Variants in NKPD1 observed in about 807,000 individuals in gnomAD.
The protein encoded by NKPD1 is NTPase KAP family P-loop domain containing 1, also known as NTPase KAP family P-loop domain-containing protein 1.
In NKPD1, 37 loss-of-function variants were observed where a neutral mutation model predicts 42.2. That is an observed-to-expected ratio of 0.88 (90% CI 0.67 to 1.15). NKPD1 has a LOEUF of 1.15. Among genes scored for constraint, NKPD1 ranks in the 50% most tolerant of loss-of-function variants. NKPD1 has a pLI of 0.00. For missense variants in NKPD1, 1,113 were observed against 1,174.6 expected (o/e 0.95, Z 0.77); for synonymous variants, 552 against 536.5 (o/e 1.03, Z -0.40).
At chr19:45,156,359 GGA>G in intron 3 of NKPD1, among the ~76,000 whole-genome samples, 1 of 152,342 alleles carries the variant, frequency 6.6e-6, no homozygotes, top group Admixed American at 6.5e-5. Context: ...GCCAGAGCAT[GGA>G]GAGGCCCTGG....
chr19:45,150,794 AGGTCAGTGACCCAGTCCCATGGCCTGAG>A lies in NKPD1; in HGVS notation c.*1116_*1143del, dbSNP rs1968763444. 6.6e-6 allele frequency: 1 copy of A among 152,248 alleles called. No homozygotes were observed. Among genetic ancestry groups the A allele is most frequent in the African/African-American group, 2.4e-5 (1 of 41,446 alleles). The allele number at this position is 152,248 out of a possible 1,614,324, so 9.4% of individuals were successfully genotyped here. ...CCAGCCTTGGAACTAAAGAACTGTGAGGTCAGTGACCCAGTCCCATGGCCTGAGGGTGTGTGCCTTTGCAGAGCTCTCA... is the reference window on the plus strand; with the variant it reads ...CCAGCCTTGGAACTAAAGAACTGTGAGGTGTGTGCCTTTGCAGAGCTCTCA... On this transcript the variant is annotated 3_prime_UTR_variant, in exon 5 of 5. Transcript: ENST00000686631.
rs1968838424 is a variant in NKPD1, at chr19:45,153,458, G to A, written c.979C>T (p.Gln327Ter). Residue 327 changes from glutamine (Q) to a stop codon, truncating the protein, a stop_gained, in exon 5 of 5, where the codon CAG becomes TAG. Transcript: ENST00000686631. LOFTEE classifies it high-confidence loss of function. Reference protein sequence around the residue: ...SVLGNKPATRQDCCQSEWHCR... With the variant: ...SVLGNKPATR ...TGCCACTCGCTCTGGCAGCAGTCCT[G>A]CCTGGTGGCCGGCTTGTTGCCCAGC... The A allele has an allele frequency of 6.5e-7, 1 of 1,549,916 alleles. No homozygotes were observed. Among genetic ancestry groups the A allele is most frequent in the Non-Finnish European group, 8.7e-7 (1 of 1,150,982 alleles).
Position 45,152,432 on chromosome 19 carries a change from A to G in NKPD1, c.2005T>C (p.Trp669Arg). Residue 669 changes from tryptophan (W) to arginine (R), a missense_variant, in exon 5 of 5, where the codon TGG becomes CGG. By Grantham distance (101) the Trp-to-Arg change is moderately radical. This residue lies in a region of NKPD1 where 867 missense variants were observed against 870.1 expected (regional missense o/e 1.00). Coordinates refer to ENST00000686631, the MANE Select transcript of NKPD1 (RefSeq NM_198478.4). Reference protein sequence around the residue: ...LANQWPCRLSWALQCLEDRQQ... With the variant: ...LANQWPCRLSRALQCLEDRQQ... The stretch of plus-strand genomic sequence containing the variant: ...CGGTCCTCCAGGCACTGCAGCGCCC[A>G]GCTCAGGCGGCACGGCCACTGGTTG... 6.4e-7 allele frequency: 1 copy of G among 1,563,214 alleles called. No individual in the cohort carries two copies. The highest frequency in any genetic ancestry group is 8.6e-7 in the Non-Finnish European group (1 of 1,157,704).
intron 2 of NKPD1, 38 bp downstream of exon 2, chr19:45,160,020 CCT>C: frequency 1.7e-6 from 2 of 1,162,402 alleles, no homozygotes; most frequent in South Asian, 1.3e-5. Context: ...TCCTCACAGG[CCT>C]CTGTCGGCCA....
At position 45,158,839 on chromosome 19, in the gene NKPD1, T is replaced by C; in HGVS notation, c.353A>G (p.Lys118Arg). ...KGLPATSTVP[K>R]EPASAPQAPT... Reference sequence around the variant, plus strand: ...CGCCTGAGGGGCGCTGGCAGGTTCCTTGGGGACAGTGGAGGTTGCAGGCAG... The same window carrying C: ...CGCCTGAGGGGCGCTGGCAGGTTCCCTGGGGACAGTGGAGGTTGCAGGCAG... Residue 118 changes from lysine to arginine, a missense_variant, in exon 3 of 5, where the codon AAG (lysine) becomes AGG (arginine). By Grantham distance (26) the Lys-to-Arg change is conservative. Around this residue, in one of 3 missense-constraint regions of NKPD1, gnomAD observed 204 missense variants for 227.8 expected, o/e 0.90. Transcript: ENST00000686631. The surrounding 1 kb of genome is among the most constrained non-coding windows in gnomAD (Gnocchi z 4.6). 2 of 1,281,660 alleles carry C rather than the reference T, an allele frequency of 1.6e-6. No homozygotes were observed. Among genetic ancestry groups the C allele is most frequent in the Non-Finnish European group, 2.0e-6 (2 of 978,208 alleles). 79.4% of individuals were successfully genotyped at this position (1,281,660 alleles called of 1,614,324 possible). A position where few individuals can be genotyped will look rare whatever the true frequency, so the allele number is the denominator to read the frequency against.
rs1568457941 is a variant in NKPD1, at chr19:45,155,805, A to G, written c.641T>C (p.Met214Thr). Residue 214 changes from methionine (M) to threonine (T), a missense_variant, in exon 4 of 5, where the codon ATG becomes ACG. Transcript: ENST00000686631. ...FYAPFGCRLH[M>T]MLDKITALMQ... is the part of the protein sequence containing the mutation. ...CTCACCCGTGATCTTGTCCAGCATC[A>G]TGTGCAGGCGGCAGCCGAAAGGGGC... The G allele has an allele frequency of 7.7e-7, 1 of 1,305,180 alleles. No individual in the cohort carries two copies. The allele number at this position is 1,305,180 out of a possible 1,614,324, so 80.8% of individuals were successfully genotyped here.
Position 45,152,281 on chromosome 19 carries a change from T to C in NKPD1, c.2156A>G (p.Glu719Gly), listed in dbSNP as rs1968797745. ...GGCGCCCAGGAAGCGCTCGAAGAGC[T>C]CGGGGTCGCCGTCCAGGTCGAGCAC... ...QNVLDLDGDPELFERFLGADF... is the reference protein window; with the variant it reads ...QNVLDLDGDPGLFERFLGADF... Residue 719 changes from glutamate to glycine, a missense_variant, in exon 5 of 5, where the codon GAG (glutamate) becomes GGG (glycine). Around this residue, in one of 3 missense-constraint regions of NKPD1, gnomAD observed 867 missense variants for 870.1 expected, o/e 1.00. Coordinates refer to ENST00000686631, the MANE Select transcript of NKPD1 (RefSeq NM_198478.4). 1 of 1,610,270 alleles carries C rather than the reference T, an allele frequency of 6.2e-7. No homozygotes were observed. The highest frequency in any genetic ancestry group is 1.7e-5 in the Admixed American group (1 of 59,844).
At chr19:45,156,142 T>TC (rs1480239330) in intron 3 of NKPD1, among the ~76,000 whole-genome samples, 1 of 151,970 alleles carries the variant, frequency 6.6e-6, no homozygotes, top group Non-Finnish European at 1.5e-5. Context: ...GAGGCTGGAA[T>TC]CCCCCCAGCC....
At chr19:45,155,544 T>C (rs1968886157) in intron 4 of NKPD1, among the ~76,000 whole-genome samples, 1 of 152,172 alleles carries the variant, frequency 6.6e-6, no homozygotes, top group South Asian at 2.1e-4. Flanking sequence ...CAGGGTCAGA[T>C]CTGTCCTTCA....
intron 4 of NKPD1, among the ~76,000 whole-genome samples, chr19:45,154,853 C>A (rs1233996812): frequency 1.3e-5 from 2 of 151,884 alleles, no homozygotes; most frequent in Non-Finnish European, 2.9e-5. Flanking sequence ...GGTGAAACCC[C>A]ATCGCTACTA....
rs2122795661 is a variant in NKPD1 at position 45,158,128 on chromosome 19, T to G, written c.529+535A>C. On this transcript the variant is annotated intron_variant, in intron 3 of 4. Transcript: ENST00000686631. This position sits in a 1 kb window ranked among gnomAD's most constrained non-coding sequence, Gnocchi z 4.6. ...GATGTCTGTTGATCCCACTCCCCAC[T>G]GTGCCCCTAGAACAGGGTCTGGCAC... 6.6e-6 allele frequency among the ~76,000 whole-genome samples: 1 copy of G among 152,306 alleles called. No individual in the cohort carries two copies. The highest frequency in any genetic ancestry group is 1.9e-4 in the East Asian group (1 of 5,186).
Position 45,151,947 on chromosome 19 carries a change from AC to A in NKPD1, c.2489del (p.Gly830ValfsTer46). The A allele has an allele frequency of 6.4e-7, 1 of 1,564,540 alleles. No homozygotes were observed. Among genetic ancestry groups the A allele is most frequent in the Non-Finnish European group, 8.7e-7 (1 of 1,150,914 alleles). On this transcript the variant is annotated frameshift_variant, in exon 5 of 5. Coordinates refer to ENST00000686631, the MANE Select transcript of NKPD1 (RefSeq NM_198478.4). LOFTEE classifies it high-confidence loss of function. ...ALFRPGQSSPGGP is the reference protein window; with the variant it reads ...ALFRPGQSSPXGP ...CCGCCAAGTCCTCCATTTAAGGCCC[AC>A]CTGGGCTGGATTGCCCTGGACGGAA...
chr19:45,152,542 G>C lies in NKPD1; in HGVS notation c.1895C>G (p.Thr632Ser), dbSNP rs768659789. The stretch of plus-strand genomic sequence containing the variant: ...CTGCTGCTGCTGCAGCAGGCGCACG[G>C]TGATGGGCACGGTGTTGACGATGCG... ...MRRIVNTVPITVRLLQQQQQQ... is the reference protein window; with the variant it reads ...MRRIVNTVPISVRLLQQQQQQ... Residue 632 changes from threonine (T) to serine (S), a missense_variant, in exon 5 of 5, where the codon ACC (threonine) becomes AGC (serine). Coordinates refer to ENST00000686631, the MANE Select transcript of NKPD1 (RefSeq NM_198478.4). The C allele has an allele frequency of 1.6e-5, 25 of 1,583,880 alleles. No individual in the cohort carries two copies. The highest frequency in any genetic ancestry group is 2.0e-5 in the Non-Finnish European group (24 of 1,173,978).
chr19:45,161,531 C>G (rs1969005482), upstream of NKPD1, among the ~76,000 whole-genome samples: 1 of 152,250 alleles, frequency 6.6e-6, no homozygotes, highest in Non-Finnish European at 1.5e-5. Context: ...ACCCAGGGGG[C>G]CAGGTGTGAT....
At chr19:45,155,044 G>T (rs1447350610) in intron 4 of NKPD1, among the ~76,000 whole-genome samples, 1 of 142,384 alleles carries the variant, frequency 7.0e-6, no homozygotes, top group Non-Finnish European at 1.5e-5. Context: ...AAAAAAAAAA[G>T]GCCAGGTGCA....
At position 45,159,491 on chromosome 19, in the gene NKPD1, G is replaced by T. The variant is rs538845897; in HGVS notation, c.92-391C>A. Among the ~76,000 whole-genome samples the T allele has an allele frequency of 1.3e-4, 20 of 152,282 alleles. No homozygotes were observed. In the South Asian group the frequency reaches 4.1e-3, roughly 32 times the overall value. The stretch of plus-strand genomic sequence containing the variant: ...CCCTGGCTGGCCCAGGGAGGCCGGA[G>T]TGATGGGTGGTGGCGTGGAGAGGGG... On this transcript the variant is annotated intron_variant, in intron 2 of 4. Coordinates refer to ENST00000686631, the MANE Select transcript of NKPD1 (RefSeq NM_198478.4).
chr19:45,153,020 G>A lies in NKPD1; in HGVS notation c.1417C>T (p.Leu473Phe). The A allele has an allele frequency of 6.3e-7, 1 of 1,585,556 alleles. No individual in the cohort carries two copies. Among genetic ancestry groups the A allele is most frequent in the Non-Finnish European group, 8.6e-7 (1 of 1,165,238 alleles). Residue 473 changes from leucine to phenylalanine, a missense_variant, in exon 5 of 5, where the codon CTC becomes TTC. By Grantham distance (22) the Leu-to-Phe change is conservative. Coordinates refer to ENST00000686631, the MANE Select transcript of NKPD1 (RefSeq NM_198478.4). Reference sequence around the variant, plus strand: ...GACAGCAGCGTGTTGATGGCGTTGAGCACGCCCACCACGCGCTCCGGGTAG... The same window carrying A: ...GACAGCAGCGTGTTGATGGCGTTGAACACGCCCACCACGCGCTCCGGGTAG... Reference protein sequence around the residue: ...TCYPERVVGVLNAINTLLSDS... With the variant: ...TCYPERVVGVFNAINTLLSDS...
At chr19:45,154,228 C>T (rs10421247) in intron 4 of NKPD1, among the ~76,000 whole-genome samples, 77,704 of 152,044 alleles carry the variant, frequency 0.51, 20,723 homozygotes, top group African/African-American at 0.59. Flanking sequence ...GATACACCCT[C>T]GGTCTTATCT....
At chr19:45,155,697 G>C (rs1053116008) in intron 4 of NKPD1, 88 bp downstream of exon 4, 286 of 1,210,460 alleles carry the variant, frequency 2.4e-4, no homozygotes, top group Non-Finnish European at 2.9e-4. Context: ...CCACAGGGGT[G>C]GGGGGATCTG....
Sources: allele counts gnomAD v4.1 joint callset (sites outside exome capture counted in the v4.1 genomes callset), GRCh38; gene constraint gnomAD v4.1.1; regional missense constraint gnomAD v4.1.1; non-coding constraint Gnocchi (gnomAD v3.1); transcripts MANE v1.5; gene names NCBI Gene and HGNC (gene_info 2026-07-23, HGNC 2026-07-21).